The following TXLNG variants were observed in gnomAD, a reference collection of about 807,000 sequenced individuals.
The protein encoded by TXLNG is gamma-taxilin.
A neutral mutation model predicts 38.8 loss-of-function variants in TXLNG; 5 were observed. The observed-to-expected ratio is 0.13, with a 90% CI of 0.07 to 0.27. The LOEUF (loss-of-function observed/expected upper bound fraction) is 0.27. Ranked by LOEUF, TXLNG falls within the 10% of genes least tolerant of loss-of-function variation. The pLI is 1.00. For synonymous variants in TXLNG, 182 were observed against 158.2 expected, an observed-to-expected ratio of 1.15 and a Z score of -1.13; for missense variants, 393 against 398.2, an observed-to-expected ratio of 0.99 and a Z score of 0.11.
At chrX:16,835,555 T>C (rs1221461729) in intron 7 of TXLNG, among the ~76,000 whole-genome samples, 2 of 111,773 alleles carry the variant, frequency 1.8e-5, no homozygotes, top group African/African-American at 6.5e-5. Flanking sequence ...TTGGAAGATG[T>C]TCCTGAACGT....
At chrX:16,832,791 T>C (rs750414981) in intron 6 of TXLNG, 49 bp downstream of exon 6, 1 of 1,139,200 alleles carries the variant, frequency 8.8e-7, no homozygotes. Flanking sequence ...ACATTGTAAC[T>C]GAGGCCATTT....
intron 1 of TXLNG, among the ~76,000 whole-genome samples, chrX:16,797,440 C>T (rs186273291): frequency 2.1e-4 from 23 of 111,708 alleles, no homozygotes; most frequent in African/African-American, 6.5e-4. Context: ...TAGGGTTTGT[C>T]GAGGGCTGTA....
chrX:16,838,066 A>G (rs1177336169), intron 8 of TXLNG, among the ~76,000 whole-genome samples: 1 of 111,462 alleles, frequency 9.0e-6, no homozygotes, highest in East Asian at 2.8e-4. Context: ...CAGAATAATA[A>G]TCATATATTT....
chrX:16,801,078 C>G lies in TXLNG; in HGVS notation c.102+14489C>G, dbSNP rs1208003740. Among the ~76,000 whole-genome samples, 4 of 112,910 alleles carry G rather than the reference C, an allele frequency of 3.5e-5. No homozygotes were observed. The East Asian group carries it at 1.1e-3, about 31-fold the overall frequency. ...TTGCCTTCCGTCATGAATAAGAGCT[C>G]CCTGGGCCTCGCCAGAAGCGATGCC... On this transcript the variant is annotated intron_variant, in intron 1 of 9. Transcript: ENST00000380122.
intron 3 of TXLNG, among the ~76,000 whole-genome samples, chrX:16,827,832 ATCTG>A (rs1449565237): frequency 8.9e-6 from 1 of 112,039 alleles, no homozygotes; most frequent in Admixed American, 9.5e-5. Context: ...TGAAAATTAA[ATCTG>A]TCTAAAGGAT....
intron 1 of TXLNG, among the ~76,000 whole-genome samples, chrX:16,804,972 C>CCA (rs1555990659): frequency 5.0e-4 from 1 of 2,010 alleles, no homozygotes; most frequent in Non-Finnish European, 1.2e-3. Flanking sequence ...CCACTGCCCA[C>CCA]CCCCCCCCCC....
intron 1 of TXLNG, among the ~76,000 whole-genome samples, chrX:16,795,715 C>T (rs1927861455): frequency 8.9e-6 from 1 of 112,005 alleles, no homozygotes; most frequent in African/African-American, 3.2e-5. Flanking sequence ...AATTTATGAT[C>T]CCTCCTTAGA....
chrX:16,829,433 TG>T, intron 4 of TXLNG, 142 bp from the exon 5 acceptor site: 1 of 547,810 alleles, frequency 1.8e-6, no homozygotes, highest in South Asian at 3.9e-5. Context: ...GATAGCCTTC[TG>T]GTCATAAATA....
At chrX:16,797,971 T>C (rs1927948558) in intron 1 of TXLNG, among the ~76,000 whole-genome samples, 1 of 113,035 alleles carries the variant, frequency 8.8e-6, no homozygotes, top group African/African-American at 3.2e-5. Context: ...CAATCTGTTG[T>C]AATATGCCCT....
intron 1 of TXLNG, among the ~76,000 whole-genome samples, chrX:16,787,490 C>G (rs1927538197): frequency 9.0e-6 from 1 of 111,541 alleles, no homozygotes; most frequent in Non-Finnish European, 1.9e-5. Flanking sequence ...CCGGACTGTT[C>G]CCCTTGCCTT....
At chrX:16,830,885 G>GTGTGTGTGTGTGTGTGTA (rs1440990242) in intron 5 of TXLNG, among the ~76,000 whole-genome samples, 1 of 88,788 alleles carries the variant, frequency 1.1e-5, no homozygotes, top group Non-Finnish European at 2.3e-5. Flanking sequence ...GTGTGTGTGT[G>GTGTGTGTGTGTGTGTGTA]TATAGAGACA....
rs180815962 is a variant in TXLNG, at chrX:16,841,814, T to A, written c.*48T>A. 8 of 1,116,254 alleles carry A rather than the reference T, an allele frequency of 7.2e-6. No individual in the cohort carries two copies. Among genetic ancestry groups the A allele is most frequent in the Admixed American group, 2.8e-5 (1 of 36,190 alleles). The allele number at this position is 1,116,254 out of a possible 1,213,427, so 92.0% of individuals were successfully genotyped here. A position where few individuals can be genotyped will look rare whatever the true frequency, so the allele number is the denominator to read the frequency against. ...GAGAGATATATTTTGTGTATAACTT[T>A]CTCTGTTAGTAGTTAACTATTGGTT... On this transcript the variant is annotated 3_prime_UTR_variant, in exon 10 of 10. Transcript: ENST00000380122.
intron 9 of TXLNG, 101 bp downstream of exon 9, chrX:16,840,017 C>A: frequency 1.6e-6 from 1 of 622,461 alleles, no homozygotes; most frequent in Non-Finnish European, 2.4e-6. Context: ...ACACTACTAC[C>A]ATAGTTGAGG....
At chrX:16,822,020 A>T (rs1185739535) in intron 3 of TXLNG, among the ~76,000 whole-genome samples, 1 of 103,695 alleles carries the variant, frequency 9.6e-6, no homozygotes, top group Non-Finnish European at 2.0e-5. Context: ...AAAAAACTGA[A>T]TTCTGTTAGT....
chrX:16,832,861 GCA>G, intron 6 of TXLNG, 119 bp downstream of exon 6: 1 of 885,753 alleles, frequency 1.1e-6, no homozygotes, highest in Non-Finnish European at 1.5e-6. Flanking sequence ...CTTTAATGTA[GCA>G]CCTGGGGGCA....
Position 16,842,188 on chromosome X carries a change from C to T in TXLNG, c.*422C>T, listed in dbSNP as rs1460498961. 1 of 103,147 alleles carries T rather than the reference C, an allele frequency of 9.7e-6. No homozygotes were observed. The highest frequency in any genetic ancestry group is 1.9e-5 in the Non-Finnish European group (1 of 52,105). The allele number at this position is 103,147 out of a possible 1,213,427, so 8.5% of individuals were successfully genotyped here. ...TAATATTATTCAGAAAAACAAAATA[C>T]CAAGGCGATTAGTTTTGTCTAATAA... On this transcript the variant is annotated 3_prime_UTR_variant, in exon 10 of 10. Transcript: ENST00000380122.
At chrX:16,815,553 G>A (rs1328056736) in intron 1 of TXLNG, among the ~76,000 whole-genome samples, 4 of 110,015 alleles carry the variant, frequency 3.6e-5, no homozygotes, top group African/African-American at 1.3e-4. Context: ...ACGGAGTCTC[G>A]CTCTGTCACC....
chrX:16,840,524 A>G (rs1195696174), intron 9 of TXLNG: 63 of 698,757 alleles, frequency 9.0e-5, no homozygotes, highest in Non-Finnish European at 1.1e-4. Context: ...CTGTAATCCC[A>G]GCACTTTGGG....
chrX:16,819,591 T>C (rs1928867571), intron 2 of TXLNG, among the ~76,000 whole-genome samples: 1 of 112,070 alleles, frequency 8.9e-6, no homozygotes, highest in African/African-American at 3.2e-5. Context: ...CTTACAGTAT[T>C]GCTAAGGTCT....
Sources: allele counts gnomAD v4.1 joint callset (sites outside exome capture counted in the v4.1 genomes callset), GRCh38; gene constraint gnomAD v4.1.1; transcripts MANE v1.5; gene names NCBI Gene and HGNC (gene_info 2026-07-23, HGNC 2026-07-21).